Variants in FBXL7 observed in about 807,000 individuals in gnomAD.
FBXL7 encodes F-box/LRR-repeat protein 7.
In FBXL7, 12 loss-of-function variants were observed where a neutral mutation model predicts 38.3. The ratio of observed to expected loss-of-function variants is 0.31; its 90% CI spans 0.20 to 0.51. The LOEUF (loss-of-function observed/expected upper bound fraction) is 0.51, where lower values mean the gene tolerates loss of function less well. Among genes scored for constraint, FBXL7 ranks in the 20% least tolerant of loss-of-function variants. FBXL7 has a pLI of 0.98. For missense variants in FBXL7, 567 were observed against 676.4 expected (o/e 0.84, Z 1.79); for synonymous variants, 297 against 300.9 (o/e 0.99, Z 0.13).
intron 2 of FBXL7, among the ~76,000 whole-genome samples, chr5:15,701,356 GATTTAAGCAGAGAGTAGC>G (rs1455187534): frequency 1.3e-5 from 2 of 152,146 alleles, no homozygotes; most frequent in Non-Finnish European, 2.9e-5. Flanking sequence ...GAAAACATTA[GATTTAAGCAGAGAGTAGC>G]ATATGCAGGT....
chr5:15,732,595 ACT>A (rs1049940649), intron 2 of FBXL7, among the ~76,000 whole-genome samples: 2 of 152,066 alleles, frequency 1.3e-5, no homozygotes, highest in South Asian at 2.1e-4. Flanking sequence ...AGTTTAGGAA[ACT>A]CTATTTTAAA....
At chr5:15,895,705 G>A (rs1354119685) in intron 2 of FBXL7, among the ~76,000 whole-genome samples, 18 of 142,886 alleles carry the variant, frequency 1.3e-4, no homozygotes, top group Admixed American at 8.6e-4. Flanking sequence ...GTGCAGTGGC[G>A]CAAACTCGGC....
At chr5:15,764,873 G>C (rs1270732673) in intron 2 of FBXL7, among the ~76,000 whole-genome samples, 2 of 152,260 alleles carry the variant, frequency 1.3e-5, no homozygotes, top group East Asian at 3.9e-4. Context: ...CCTCTAAAGG[G>C]CCAGATTGTA....
chr5:15,796,195 G>C (rs1436103666), intron 2 of FBXL7, among the ~76,000 whole-genome samples: 1 of 152,174 alleles, frequency 6.6e-6, no homozygotes, highest in Non-Finnish European at 1.5e-5. Flanking sequence ...TTATAACGAT[G>C]ATAAGAGCAC....
At chr5:15,532,502 G>C (rs550183649) in intron 1 of FBXL7, among the ~76,000 whole-genome samples, 1 of 152,324 alleles carries the variant, frequency 6.6e-6, no homozygotes, top group East Asian at 1.9e-4. Context: ...GTATTCATCA[G>C]ATTATTTCCT....
At chr5:15,517,563 G>A (rs1580347730) in intron 1 of FBXL7, among the ~76,000 whole-genome samples, 1 of 152,214 alleles carries the variant, frequency 6.6e-6, no homozygotes, top group African/African-American at 2.4e-5. Flanking sequence ...AAAGGGTGAT[G>A]TGAGCTGAGC....
intron 2 of FBXL7, among the ~76,000 whole-genome samples, chr5:15,674,914 C>G (rs1370337866): frequency 2.6e-5 from 4 of 152,168 alleles, no homozygotes; most frequent in Admixed American, 2.6e-4. Flanking sequence ...CCAGGACTGA[C>G]CTCAAGAAGA....
intron 2 of FBXL7, among the ~76,000 whole-genome samples, chr5:15,906,297 C>T (rs1322928438): frequency 1.3e-5 from 2 of 151,816 alleles, no homozygotes; most frequent in African/African-American, 4.8e-5. Context: ...GAAATACAGC[C>T]TATAAATATA....
At chr5:15,769,956 AG>A (rs796509336) in intron 2 of FBXL7, among the ~76,000 whole-genome samples, 36 of 152,322 alleles carry the variant, frequency 2.4e-4, no homozygotes, top group African/African-American at 7.7e-4. Flanking sequence ...AGTAGAGATA[AG>A]AATATTTCAT....
At chr5:15,686,377 G>A (rs1743016745) in intron 2 of FBXL7, among the ~76,000 whole-genome samples, 1 of 152,176 alleles carries the variant, frequency 6.6e-6, no homozygotes, top group African/African-American at 2.4e-5. Flanking sequence ...ATGATTAACT[G>A]TTGTTAAATT....
intron 2 of FBXL7, among the ~76,000 whole-genome samples, chr5:15,639,108 G>A (rs548063205): frequency 6.6e-6 from 1 of 152,168 alleles, no homozygotes; most frequent in South Asian, 2.1e-4. Context: ...GTTGAGGAAA[G>A]CTTGTACTTT....
intron 1 of FBXL7, among the ~76,000 whole-genome samples, chr5:15,611,911 G>T (rs1338522559): frequency 6.6e-6 from 1 of 151,732 alleles, no homozygotes; most frequent in Non-Finnish European, 1.5e-5. Context: ...AGCCCAGGAG[G>T]TTTAGTCTGC....
At chr5:15,553,314 C>T (rs1055837722) in intron 1 of FBXL7, among the ~76,000 whole-genome samples, 2 of 152,130 alleles carry the variant, frequency 1.3e-5, no homozygotes, top group African/African-American at 4.8e-5. Flanking sequence ...AATGCTTTTT[C>T]TCTTCCCTCT....
chr5:15,866,627 G>C (rs749487145), intron 2 of FBXL7, among the ~76,000 whole-genome samples: 46 of 151,800 alleles, frequency 3.0e-4, no homozygotes, highest in Non-Finnish European at 5.4e-4. Context: ...GTGGTTTGCC[G>C]CACCTATTGA....
chr5:15,533,858 T>C (rs1363972401), intron 1 of FBXL7, among the ~76,000 whole-genome samples: 1 of 152,210 alleles, frequency 6.6e-6, no homozygotes, highest in African/African-American at 2.4e-5. Flanking sequence ...GTTCACTTTC[T>C]TGTACACTAC....
chr5:15,570,663 G>T (rs1738747775), intron 1 of FBXL7, among the ~76,000 whole-genome samples: 2 of 152,198 alleles, frequency 1.3e-5, no homozygotes, highest in African/African-American at 2.4e-5. Context: ...CCGTGTGTGT[G>T]CCAGCATTAA....
chr5:15,657,770 G>T (rs756155754), intron 2 of FBXL7, among the ~76,000 whole-genome samples: 1 of 151,816 alleles, frequency 6.6e-6, no homozygotes, highest in East Asian at 1.9e-4. Context: ...CCCAGAAGGC[G>T]AAGTTTGTAG....
In FBXL7 at chr5:15,938,757, A is replaced by T; in HGVS notation, c.*1571A>T. On this transcript the variant is annotated 3_prime_UTR_variant, in exon 4 of 4. Coordinates refer to ENST00000504595, the MANE Select transcript of FBXL7 (RefSeq NM_012304.5). ...TTTTAAATGGATGAAACTTCAAATT[A>T]TCTTATTTGGATAGAAGTCTATATT... 1 of 377,594 alleles carries T rather than the reference A, an allele frequency of 2.6e-6. No individual in the cohort carries two copies. The allele number at this position is 377,594 out of a possible 1,614,324, so 23.4% of individuals were successfully genotyped here.
At chr5:15,807,314 C>T (rs1380264191) in intron 2 of FBXL7, among the ~76,000 whole-genome samples, 1 of 152,168 alleles carries the variant, frequency 6.6e-6, no homozygotes, top group Non-Finnish European at 1.5e-5. Flanking sequence ...TGGTGAAATA[C>T]ACCATGCTGG....
Sources: allele counts gnomAD v4.1 joint callset (sites outside exome capture counted in the v4.1 genomes callset), GRCh38; gene constraint gnomAD v4.1.1; transcripts MANE v1.5; gene names NCBI Gene and HGNC (gene_info 2026-07-23, HGNC 2026-07-21).